LRRC4C: variants seen among roughly 807,000 people sequenced by gnomAD.
LRRC4C encodes the protein leucine-rich repeat-containing protein 4C.
In LRRC4C, 5 loss-of-function variants were observed where a neutral mutation model predicts 33.6. The ratio of observed to expected loss-of-function variants is 0.15; its 90% CI spans 0.08 to 0.31. The LOEUF (loss-of-function observed/expected upper bound fraction) is 0.31, where lower values mean the gene tolerates loss of function less well. LRRC4C is among the 10% of genes least tolerant of loss of function. LRRC4C has a pLI of 1.00. For missense variants in LRRC4C, 560 were observed against 796.7 expected (o/e 0.70, Z 3.58); for synonymous variants, 329 against 302.0 (o/e 1.09, Z -0.93).
rs183533113 is a variant in LRRC4C at position 41,005,580 on chromosome 11, G to T, written c.-495-71857C>A. ...TATCATGCCACTGCACTCCAGCCTG[G>T]GTGACAGAGTGAGACTCCATCTCAA... On this transcript the variant is annotated intron_variant, in intron 1 of 6. Coordinates refer to ENST00000528697, the MANE Select transcript of LRRC4C (RefSeq NM_001258419.2). Among the ~76,000 whole-genome samples the T allele has an allele frequency of 3.8e-3, 574 of 152,032 alleles. 3 individuals are homozygous for T. The highest frequency in any genetic ancestry group is 6.8e-3 in the Middle Eastern group (2 of 294).
chr11:40,768,056 A>C (rs114047141), intron 2 of LRRC4C, among the ~76,000 whole-genome samples: 2,021 of 152,138 alleles, frequency 0.013, 37 homozygotes, highest in African/African-American at 0.046. Flanking sequence ...TGGAAAGATA[A>C]ACAGAATTGA....
chr11:40,206,281 G>C (rs1221727129), intron 5 of LRRC4C, among the ~76,000 whole-genome samples: 1 of 152,106 alleles, frequency 6.6e-6, no homozygotes, highest in Non-Finnish European at 1.5e-5. Flanking sequence ...TGTCGCCCAG[G>C]CTGGAGTGCA....
At chr11:40,601,662 T>C (rs1960005307) in intron 3 of LRRC4C, among the ~76,000 whole-genome samples, 1 of 152,194 alleles carries the variant, frequency 6.6e-6, no homozygotes, top group Admixed American at 6.5e-5. Flanking sequence ...CATGTCTAAT[T>C]CATCAAGGTT....
In LRRC4C at chr11:41,405,413, C is replaced by T. The variant is rs563494958; in HGVS notation, c.-496+54018G>A. 3.3e-5 allele frequency among the ~76,000 whole-genome samples: 5 copies of T among 152,102 alleles called. No homozygotes were observed. In the East Asian group the frequency reaches 9.7e-4, roughly 29 times the overall value. On this transcript the variant is annotated intron_variant, in intron 1 of 6. Coordinates refer to ENST00000528697, the MANE Select transcript of LRRC4C (RefSeq NM_001258419.2). ...AGCAAAGAATTTAAAATAAAAGGTACAAAAGTATAAATAGATAATTAATAT... is the reference window on the plus strand; with the variant it reads ...AGCAAAGAATTTAAAATAAAAGGTATAAAAGTATAAATAGATAATTAATAT...
chr11:40,465,070 G>T (rs769090560), intron 3 of LRRC4C, among the ~76,000 whole-genome samples: 5 of 151,870 alleles, frequency 3.3e-5, no homozygotes, highest in Non-Finnish European at 5.9e-5. Context: ...TGTACTACTA[G>T]AATATAGTAA....
At chr11:40,701,300 C>T (rs190506467) in intron 2 of LRRC4C, among the ~76,000 whole-genome samples, 3 of 152,112 alleles carry the variant, frequency 2.0e-5, no homozygotes, top group Admixed American at 2.0e-4. Context: ...TGTAGGGCAG[C>T]ATTAATATGA....
chr11:41,235,262 C>T (rs140788709), intron 1 of LRRC4C, among the ~76,000 whole-genome samples: 30 of 152,034 alleles, frequency 2.0e-4, no homozygotes, highest in Middle Eastern at 3.4e-3. Context: ...ACGCAGAAGA[C>T]GCTAAAAAAA....
intron 1 of LRRC4C, among the ~76,000 whole-genome samples, chr11:41,132,848 T>C (rs1249396241): frequency 6.6e-6 from 1 of 152,130 alleles, no homozygotes; most frequent in Non-Finnish European, 1.5e-5. Context: ...GGCAGAACCA[T>C]GGTGCAAATC....
chr11:40,752,233 G>A (rs886220105), intron 2 of LRRC4C, among the ~76,000 whole-genome samples: 1 of 152,042 alleles, frequency 6.6e-6, no homozygotes, highest in African/African-American at 2.4e-5. Context: ...ATAGACGACT[G>A]ACACAAAAAT....
intron 1 of LRRC4C, among the ~76,000 whole-genome samples, chr11:41,312,980 T>C (rs1349839704): frequency 6.6e-6 from 1 of 152,248 alleles, no homozygotes; most frequent in Non-Finnish European, 1.5e-5. Flanking sequence ...GCAGTGGTCC[T>C]GGACTAATAC....
chr11:40,869,390 G>A (rs1036734808), intron 2 of LRRC4C, among the ~76,000 whole-genome samples: 5 of 152,082 alleles, frequency 3.3e-5, no homozygotes, highest in Non-Finnish European at 7.4e-5. Context: ...CAACCATCAG[G>A]TGATGGTCAG....
intron 2 of LRRC4C, among the ~76,000 whole-genome samples, chr11:40,676,787 T>A (rs1451018163): frequency 1.3e-5 from 2 of 152,140 alleles, no homozygotes; most frequent in African/African-American, 2.4e-5. Context: ...ATAGGCCAAA[T>A]AATTAACAAA....
At chr11:40,612,868 C>A (rs1961372355) in intron 3 of LRRC4C, among the ~76,000 whole-genome samples, 2 of 151,804 alleles carry the variant, frequency 1.3e-5, no homozygotes, top group South Asian at 4.2e-4. Flanking sequence ...AAGAGAATCA[C>A]ACAATTTTGT....
intron 1 of LRRC4C, among the ~76,000 whole-genome samples, chr11:41,179,156 A>C (rs1945335128): frequency 6.6e-6 from 1 of 151,628 alleles, no homozygotes. Context: ...AAACATGTAC[A>C]TTTAGAAAAG....
intron 2 of LRRC4C, among the ~76,000 whole-genome samples, chr11:40,926,150 C>T (rs1351439675): frequency 6.6e-6 from 1 of 151,880 alleles, no homozygotes; most frequent in Non-Finnish European, 1.5e-5. Flanking sequence ...TTTCTTTGGC[C>T]TTTAGTACAA....
chr11:40,916,302 A>G (rs1373369642), intron 2 of LRRC4C, among the ~76,000 whole-genome samples: 3 of 152,178 alleles, frequency 2.0e-5, no homozygotes, highest in African/African-American at 4.8e-5. Flanking sequence ...CAACCCAAAT[A>G]TCCAACAATG....
chr11:40,668,742 A>C (rs1943940302), intron 2 of LRRC4C, among the ~76,000 whole-genome samples: 1 of 152,198 alleles, frequency 6.6e-6, no homozygotes, highest in African/African-American at 2.4e-5. Context: ...TGTATTTAAA[A>C]AATAATTACC....
intron 3 of LRRC4C, among the ~76,000 whole-genome samples, chr11:40,336,599 G>A (rs546482442): frequency 2.0e-5 from 3 of 152,240 alleles, no homozygotes; most frequent in South Asian, 4.1e-4. Context: ...ACAGCATTTA[G>A]CATCACTTCA....
At chr11:40,684,904 GTAATA>G (rs1944881615) in intron 2 of LRRC4C, among the ~76,000 whole-genome samples, 1 of 151,868 alleles carries the variant, frequency 6.6e-6, no homozygotes, top group Non-Finnish European at 1.5e-5. Context: ...TAGATAATTT[GTAATA>G]TAATAGAAGA....
Sources: gnomAD v4.1 joint callset for allele counts (sites outside exome capture counted in the v4.1 genomes callset) on GRCh38, gnomAD v4.1.1 for gene constraint, MANE v1.5 for transcripts, NCBI Gene and HGNC (gene_info 2026-07-23, HGNC 2026-07-21) for gene names.